Variants in MYO3B observed in about 807,000 individuals in gnomAD.
The protein encoded by MYO3B is myosin IIIB.
In MYO3B, 156 loss-of-function variants were observed where a neutral mutation model predicts 174.6. The observed-to-expected ratio is 0.89, with a 90% CI of 0.78 to 1.02. MYO3B has a LOEUF of 1.02. Ranked by LOEUF, MYO3B falls within the 50% of genes least tolerant of loss-of-function variation. The pLI is 0.00. For synonymous variants in MYO3B, 563 were observed against 569.1 expected (o/e 0.99, Z 0.15); for missense variants, 1,632 against 1,639.4 (o/e 1.00, Z 0.08).
intron 8 of MYO3B, among the ~76,000 whole-genome samples, chr2:170,357,063 A>G (rs1379857891): frequency 1.3e-5 from 2 of 152,202 alleles, no homozygotes; most frequent in African/African-American, 4.8e-5. Flanking sequence ...GATCACAGAC[A>G]GGTGTGAGAC....
intron 3 of MYO3B, among the ~76,000 whole-genome samples, chr2:170,207,530 T>G (rs2092725699): frequency 1.3e-5 from 2 of 152,142 alleles, no homozygotes; most frequent in Non-Finnish European, 2.9e-5. Flanking sequence ...TTGGGTTCCC[T>G]TCCCCTGAGC....
chr2:170,456,033 A>G (rs1485269661), intron 23 of MYO3B, among the ~76,000 whole-genome samples: 2 of 152,216 alleles, frequency 1.3e-5, no homozygotes, highest in Non-Finnish European at 1.5e-5. Context: ...TTAATATGAG[A>G]AAATGCATAC....
intron 32 of MYO3B, among the ~76,000 whole-genome samples, chr2:170,592,415 T>C (rs937153007): frequency 4.6e-5 from 7 of 152,164 alleles, no homozygotes; most frequent in African/African-American, 1.7e-4. Context: ...ATTTGCAGAA[T>C]TTTGGGGCAA....
At chr2:170,498,563 A>G (rs1473080076) in intron 25 of MYO3B, 29 bp from the exon 26 acceptor site, 1 of 1,501,092 alleles carries the variant, frequency 6.7e-7, no homozygotes, top group East Asian at 2.3e-5. Flanking sequence ...GTGACTGAAA[A>G]GGCTTCACTT....
At chr2:170,304,006 A>G (rs148131008) in intron 7 of MYO3B, among the ~76,000 whole-genome samples, 3 of 152,290 alleles carry the variant, frequency 2.0e-5, no homozygotes, top group African/African-American at 7.2e-5. Flanking sequence ...GTTTCATAAT[A>G]TATTTAACTA....
intron 32 of MYO3B, among the ~76,000 whole-genome samples, chr2:170,616,979 A>T (rs574564808): frequency 6.6e-6 from 1 of 152,334 alleles, no homozygotes; most frequent in Non-Finnish European, 1.5e-5. Context: ...TTTGTAATCT[A>T]TGTTCTAAAC....
At chr2:170,227,296 G>GT (rs1004898155) in intron 6 of MYO3B, among the ~76,000 whole-genome samples, 2 of 152,110 alleles carry the variant, frequency 1.3e-5, no homozygotes, top group Admixed American at 1.3e-4. Flanking sequence ...GTGAGGGGAA[G>GT]TGGGGGGGTA....
chr2:170,613,663 G>A (rs188755938), intron 32 of MYO3B, among the ~76,000 whole-genome samples: 2 of 152,186 alleles, frequency 1.3e-5, no homozygotes, highest in South Asian at 2.1e-4. Flanking sequence ...ATTATCATTT[G>A]AGTCAGTGGG....
At chr2:170,632,353 C>A (rs1697069192) in intron 32 of MYO3B, among the ~76,000 whole-genome samples, 1 of 152,134 alleles carries the variant, frequency 6.6e-6, no homozygotes, top group South Asian at 2.1e-4. Context: ...TACATGGAAA[C>A]TGAACAACCT....
chr2:170,188,387 G>A (rs1019054593), intron 1 of MYO3B, among the ~76,000 whole-genome samples: 9 of 152,036 alleles, frequency 5.9e-5, no homozygotes, highest in African/African-American at 2.2e-4. Context: ...GTTTCTTGTA[G>A]GCAGCAGATC....
chr2:170,358,374 G>A (rs1426909457), intron 8 of MYO3B, among the ~76,000 whole-genome samples: 7 of 152,100 alleles, frequency 4.6e-5, no homozygotes, highest in Non-Finnish European at 8.8e-5. Context: ...GTCCAGATTA[G>A]ACAAATCTAC....
intron 29 of MYO3B, among the ~76,000 whole-genome samples, chr2:170,517,284 C>T (rs1359920558): frequency 6.6e-6 from 1 of 152,150 alleles, no homozygotes; most frequent in African/African-American, 2.4e-5. Context: ...TAATAAGAAA[C>T]ATGGAATAAG....
chr2:170,431,331 A>G (rs1022510280), intron 22 of MYO3B, among the ~76,000 whole-genome samples: 1 of 152,262 alleles, frequency 6.6e-6, no homozygotes, highest in African/African-American at 2.4e-5. Context: ...AAAACAGAGC[A>G]ACTCCACTAT....
At chr2:170,368,878 T>C (rs1265235509) in intron 8 of MYO3B, among the ~76,000 whole-genome samples, 1 of 152,222 alleles carries the variant, frequency 6.6e-6, no homozygotes, top group African/African-American at 2.4e-5. Context: ...ACAAATCAAC[T>C]TGACTCCACT....
At chr2:170,394,998 G>A (rs905335719) in intron 16 of MYO3B, among the ~76,000 whole-genome samples, 4 of 152,174 alleles carry the variant, frequency 2.6e-5, no homozygotes, top group South Asian at 4.1e-4. Flanking sequence ...TTCTTACAAT[G>A]TCACTAGTTC....
At chr2:170,486,667 G>A (rs993359722) in intron 25 of MYO3B, among the ~76,000 whole-genome samples, 1 of 152,090 alleles carries the variant, frequency 6.6e-6, no homozygotes, top group African/African-American at 2.4e-5. Flanking sequence ...AATCTTGAAG[G>A]GTCATCCAGT....
intron 22 of MYO3B, among the ~76,000 whole-genome samples, chr2:170,431,953 C>G (rs369724486): frequency 6.6e-6 from 1 of 152,188 alleles, no homozygotes; most frequent in Non-Finnish European, 1.5e-5. Context: ...ATGTCCTAGC[C>G]TTTGCAATGC....
At chr2:170,527,451 C>A (rs1006735123) in intron 30 of MYO3B, among the ~76,000 whole-genome samples, 2 of 152,218 alleles carry the variant, frequency 1.3e-5, no homozygotes, top group Admixed American at 6.5e-5. Flanking sequence ...AAATAGATTT[C>A]ATGTCATTCG....
At chr2:170,487,799 C>A (rs922539512) in intron 25 of MYO3B, among the ~76,000 whole-genome samples, 1 of 152,122 alleles carries the variant, frequency 6.6e-6, no homozygotes, top group African/African-American at 2.4e-5. Context: ...ACAAATCCTT[C>A]CCCAGTGTAA....
Sources: allele counts gnomAD v4.1 joint callset (sites outside exome capture counted in the v4.1 genomes callset), GRCh38; gene constraint gnomAD v4.1.1; transcripts MANE v1.5; gene names NCBI Gene and HGNC (gene_info 2026-07-23, HGNC 2026-07-21).